The following KLC1 variants were observed in gnomAD, a reference collection of about 807,000 sequenced individuals.
The protein encoded by KLC1 is kinesin light chain 1, also known as kinesin 2 60/70kDa.
KLC1 carries 30 observed loss-of-function variants against 84.2 expected under a neutral mutation model. The ratio of observed to expected loss-of-function variants is 0.36; its 90% CI spans 0.27 to 0.48. The LOEUF (loss-of-function observed/expected upper bound fraction) is 0.48, where lower values mean the gene tolerates loss of function less well. Among genes scored for constraint, KLC1 ranks in the 20% least tolerant of loss-of-function variants. The pLI is 0.99. For missense variants in KLC1, 499 were observed against 805.4 expected (o/e 0.62, Z 4.60); for synonymous variants, 289 against 293.3 (o/e 0.99, Z 0.15).
At position 103,692,714 on chromosome 14, in the gene KLC1, G is replaced by A. The variant is rs542584964; in HGVS notation, c.1848+289G>A. Among the ~76,000 whole-genome samples, 3 of 152,298 alleles carry A rather than the reference G, an allele frequency of 2.0e-5. No individual in the cohort carries two copies. In the South Asian group the frequency reaches 6.2e-4, roughly 32 times the overall value. ...AACCTAATTAATGTATTCTGTTAAA[G>A]TACTGTCAAAGCTCGACCAATTACT... is the stretch of plus-strand genomic sequence containing the variant. On this transcript the variant is annotated intron_variant, in intron 15 of 16. Transcript: ENST00000334553.
At chr14:103,687,647 C>T (rs2081864052) in intron 14 of KLC1, 1 of 152,616 alleles carries the variant, frequency 6.6e-6, no homozygotes. Context: ...AAATCTCATA[C>T]AGTATTATAA....
intron 1 of KLC1, among the ~76,000 whole-genome samples, chr14:103,652,699 G>A (rs549748262): frequency 6.6e-6 from 1 of 152,220 alleles, no homozygotes; most frequent in South Asian, 2.1e-4. Context: ...CACCATATTG[G>A]CCAGGCTGGT....
chr14:103,700,061 T>TAA (rs2083012314), intron 15 of KLC1: 1 of 234,180 alleles, frequency 4.3e-6, no homozygotes, highest in Non-Finnish European at 8.6e-6. Flanking sequence ...CTTCAGACGC[T>TAA]CAGCAAGGCA....
At chr14:103,643,146 T>G (rs567834204) in intron 1 of KLC1, among the ~76,000 whole-genome samples, 2 of 152,364 alleles carry the variant, frequency 1.3e-5, no homozygotes, top group East Asian at 3.9e-4. Flanking sequence ...TCCATATTGA[T>G]ATAAATAATT....
In KLC1 at chr14:103,691,155, CT is replaced by C. The variant is rs11384297; in HGVS notation, c.1782-1185del. Among the ~76,000 whole-genome samples, 135 of 129,456 alleles carry C rather than the reference CT, an allele frequency of 1.0e-3. 1 individual carries two copies. Among genetic ancestry groups the C allele is most frequent in the African/African-American group, 1.3e-3 (45 of 33,354 alleles). The allele number at this position is 129,456 out of a possible 152,430, so 84.9% of individuals were successfully genotyped here. A position where few individuals can be genotyped will look rare whatever the true frequency, so the allele number is the denominator to read the frequency against. On this transcript the variant is annotated intron_variant, in intron 14 of 16. Coordinates refer to ENST00000334553, the MANE Select transcript of KLC1 (RefSeq NM_001394837.1). The stretch of plus-strand genomic sequence containing the variant: ...CTCTGCTCCCAGATGGTTCCCCCCA[CT>C]TTTTTTTTTTTTTTTTTTCTGAGAC...
At chr14:103,680,191 A>G (rs941776396) in intron 13 of KLC1, among the ~76,000 whole-genome samples, 5 of 151,922 alleles carry the variant, frequency 3.3e-5, no homozygotes, top group African/African-American at 4.8e-5. Context: ...GGAAATTCCT[A>G]ACCACTGCTG....
chr14:103,665,632 T>C (rs2079715820), intron 5 of KLC1, among the ~76,000 whole-genome samples: 1 of 152,080 alleles, frequency 6.6e-6, no homozygotes, highest in South Asian at 2.1e-4. Context: ...AGACAGTGTT[T>C]TGTCATGTTG....
rs944385512 is a variant in KLC1, at chr14:103,650,939, G to T, written c.-1-3625G>T. ...TGCAAGATAGTTTTCCCTCAGAAAC[G>T]CATTTTGTTTCTGCATCAAACTTGA... On this transcript the variant is annotated intron_variant, in intron 1 of 16. Transcript: ENST00000334553. Among the ~76,000 whole-genome samples, 3 of 152,006 alleles carry T rather than the reference G, an allele frequency of 2.0e-5. 1 individual carries two copies. Among genetic ancestry groups the T allele is most frequent in the Admixed American group, 2.0e-4 (3 of 15,244 alleles).
intron 1 of KLC1, among the ~76,000 whole-genome samples, chr14:103,631,478 C>T (rs1183777703): frequency 3.3e-5 from 5 of 152,114 alleles, no homozygotes; most frequent in African/African-American, 9.7e-5. Context: ...CATAAATTAT[C>T]TTAAAACATA....
Position 103,693,253 on chromosome 14 carries a change from T to C in KLC1, c.1848+828T>C, listed in dbSNP as rs1038239852. On this transcript the variant is annotated intron_variant, in intron 15 of 16. Transcript: ENST00000334553. This position sits in a 1 kb window ranked among gnomAD's most constrained non-coding sequence, Gnocchi z 5.1. Reference sequence around the variant, plus strand: ...GGGAGGCAGCCATCTCGGGAAAGCTTTTCCCCAGCCCCCTTCTCGGTGGCT... The same window carrying C: ...GGGAGGCAGCCATCTCGGGAAAGCTCTTCCCCAGCCCCCTTCTCGGTGGCT... Among the ~76,000 whole-genome samples, 6 of 151,616 alleles carry C rather than the reference T, an allele frequency of 4.0e-5. No individual in the cohort carries two copies. The highest frequency in any genetic ancestry group is 3.9e-4 in the Admixed American group (6 of 15,230).
intron 15 of KLC1, chr14:103,699,170 C>T: frequency 1.3e-6 from 2 of 1,565,594 alleles, no homozygotes; most frequent in African/African-American, 1.4e-5. Flanking sequence ...TCCTCCATGG[C>T]CTCTGTCACC....
chr14:103,645,412 A>C (rs1024336068), intron 1 of KLC1, among the ~76,000 whole-genome samples: 1 of 152,194 alleles, frequency 6.6e-6, no homozygotes, highest in Admixed American at 6.5e-5. Context: ...TGCCTAGCTC[A>C]GTTCTTCTGC....
At chr14:103,678,303 C>T (rs964313945) in intron 12 of KLC1, among the ~76,000 whole-genome samples, 3 of 151,894 alleles carry the variant, frequency 2.0e-5, no homozygotes, top group African/African-American at 7.3e-5. Flanking sequence ...ATGAATATGA[C>T]CCCAAAAGCA....
chr14:103,694,315 A>C lies in KLC1; in HGVS notation c.1848+1890A>C, dbSNP rs1595584715. On this transcript the variant is annotated intron_variant, in intron 15 of 16. Coordinates refer to ENST00000334553, the MANE Select transcript of KLC1 (RefSeq NM_001394837.1). The surrounding 1 kb of genome is among the most constrained non-coding windows in gnomAD (Gnocchi z 4.5). ...TGCCCAGGCTGGAGCGCAGTGGCCC[A>C]ATCTCGGCCCACTGCAAGCTCCACC... 4 of 939,880 alleles carry C rather than the reference A, an allele frequency of 4.3e-6. No homozygotes were observed. The African/African-American group carries it at 7.6e-5, about 18-fold the overall frequency. The allele number at this position is 939,880 out of a possible 1,614,324, so 58.2% of individuals were successfully genotyped here. A position where few individuals can be genotyped will look rare whatever the true frequency, so the allele number is the denominator to read the frequency against.
intron 13 of KLC1, 43 bp downstream of exon 13, chr14:103,679,588 C>G (rs368905144): frequency 2.0e-6 from 3 of 1,502,056 alleles, no homozygotes; most frequent in African/African-American, 2.7e-5. Flanking sequence ...GGAGGCGCCC[C>G]CAAGTGGCGC....
At chr14:103,639,590 G>GCA (rs1360876788) in intron 1 of KLC1, among the ~76,000 whole-genome samples, 1 of 148,914 alleles carries the variant, frequency 6.7e-6, no homozygotes, top group African/African-American at 2.5e-5. Context: ...CCACAGGCGT[G>GCA]TGCCACCACA....
chr14:103,662,988 C>T, intron 5 of KLC1, 61 bp downstream of exon 5: 1 of 1,139,506 alleles, frequency 8.8e-7, no homozygotes, highest in Non-Finnish European at 1.2e-6. Context: ...AACCATCTTG[C>T]CCCTTAAAAT....
At chr14:103,657,167 A>G (rs905166021) in intron 2 of KLC1, among the ~76,000 whole-genome samples, 4 of 152,178 alleles carry the variant, frequency 2.6e-5, no homozygotes, top group African/African-American at 7.2e-5. Context: ...GCAGACATGC[A>G]TGTGTGTACA....
chr14:103,643,932 T>C (rs1051654537), intron 1 of KLC1, among the ~76,000 whole-genome samples: 9 of 151,770 alleles, frequency 5.9e-5, no homozygotes, highest in Non-Finnish European at 4.4e-5. Context: ...AAACCTAAAG[T>C]TGGCTGGGCA....
Sources: gnomAD v4.1 joint callset for allele counts (sites outside exome capture counted in the v4.1 genomes callset) on GRCh38, gnomAD v4.1.1 for gene constraint, Gnocchi (gnomAD v3.1) non-coding constraint, MANE v1.5 for transcripts, NCBI Gene and HGNC (gene_info 2026-07-23, HGNC 2026-07-21) for gene names.